Variants in SPIRE2 observed in about 807,000 individuals in gnomAD.
The protein encoded by SPIRE2 is spire type actin nucleation factor 2.
A neutral mutation model predicts 80.7 loss-of-function variants in SPIRE2; 76 were observed. The ratio of observed to expected loss-of-function variants is 0.94; its 90% confidence interval spans 0.78 to 1.14. The LOEUF (loss-of-function observed/expected upper bound fraction) is 1.14. Among genes scored for constraint, SPIRE2 ranks in the 50% most tolerant of loss-of-function variants. The pLI is 0.00. For synonymous variants in SPIRE2, 535 were observed against 432.6 expected, an observed-to-expected ratio of 1.24 and a Z score of -2.94; for missense variants, 1,196 against 1,015.3, an observed-to-expected ratio of 1.18 and a Z score of -2.42.
intron 1 of SPIRE2, among the ~76,000 whole-genome samples, chr16:89,838,353 T>A (rs546507954): frequency 6.6e-6 from 1 of 152,166 alleles, no homozygotes; most frequent in South Asian, 2.1e-4. Flanking sequence ...CAGCTAATTT[T>A]TGTATTTTTT....
chr16:89,851,778 G>T (rs2041630204), intron 3 of SPIRE2, among the ~76,000 whole-genome samples: 2 of 152,212 alleles, frequency 1.3e-5, no homozygotes, highest in East Asian at 1.9e-4. Context: ...CCTTGGAGAG[G>T]CAGGGGATTC....
intron 12 of SPIRE2, among the ~76,000 whole-genome samples, chr16:89,864,476 A>G (rs761986301): frequency 2.0e-5 from 3 of 152,234 alleles, no homozygotes; most frequent in Non-Finnish European, 4.4e-5. Context: ...CTCACTGGAC[A>G]CAGCCACACC....
In SPIRE2 at chr16:89,869,582, A is replaced by C. The variant is rs146984679; in HGVS notation, c.1822A>C (p.Lys608Gln). ...TGTGCTGCAGATGAAGATGCCTTCT[A>C]AGAAATTTGGACACATCCCTGTCTA... ...SCSIKMKMPSKKFGHIPVYTL... is the reference protein window; with the variant it reads ...SCSIKMKMPSQKFGHIPVYTL... The change falls in exon 14 of 15, where the codon AAG becomes CAG. Residue 608 changes from lysine (K) to glutamine (Q), a missense_variant. Lys to Gln is a moderately conservative substitution (Grantham distance 53). Coordinates refer to ENST00000378247, the MANE Select transcript of SPIRE2 (RefSeq NM_032451.2). 6.2e-7 allele frequency: 1 copy of C among 1,613,734 alleles called. No individual in the cohort carries two copies. The highest frequency in any genetic ancestry group is 1.3e-5 in the African/African-American group (1 of 75,024).
chr16:89,859,663 C>T (rs1400403309), intron 9 of SPIRE2, among the ~76,000 whole-genome samples: 2 of 152,078 alleles, frequency 1.3e-5, no homozygotes, highest in East Asian at 3.8e-4. Flanking sequence ...AGTGATAGAC[C>T]CTTCTAGTCC....
chr16:89,869,727 G>A (rs539821673), intron 14 of SPIRE2, 45 bp downstream of exon 14: 23 of 1,484,464 alleles, frequency 1.5e-5, no homozygotes, highest in East Asian at 1.4e-4. Context: ...GTGGTCGGGC[G>A]TGAAGAGGAA....
Position 89,860,734 on chromosome 16 carries a change from G to T in SPIRE2, c.1514G>T (p.Arg505Leu). 10 of 1,586,428 alleles carry T rather than the reference G, an allele frequency of 6.3e-6. No homozygotes were observed. Among genetic ancestry groups the T allele is most frequent in the East Asian group, 4.6e-5 (2 of 43,246 alleles). ...SDPSHPLLSN[R>L]GSSGDRPEAS... ...CCCAGCCACCCCCTACTCAGCAACC[G>T]GGGCTCCTCGGGGGACAGACCCGAG... The change falls in exon 10 of 15, where the codon CGG becomes CTG. Residue 505 changes from arginine to leucine, a missense_variant. Arg to Leu is a moderately radical substitution (Grantham distance 102). Coordinates refer to ENST00000378247, the MANE Select transcript of SPIRE2 (RefSeq NM_032451.2).
At chr16:89,844,874 C>T (rs993065495) in intron 1 of SPIRE2, among the ~76,000 whole-genome samples, 13 of 152,236 alleles carry the variant, frequency 8.5e-5, no homozygotes, top group African/African-American at 3.1e-4. Flanking sequence ...TGAGCCACCA[C>T]ATCTGGCCTC....
At chr16:89,840,636 A>ATTT (rs10708235) in intron 1 of SPIRE2, among the ~76,000 whole-genome samples, 2 of 116,876 alleles carry the variant, frequency 1.7e-5, no homozygotes, top group Admixed American at 9.1e-5. Flanking sequence ...AAGTTTTCAA[A>ATTT]TTTTTTTTTT....
chr16:89,836,835 A>G (rs550395654), intron 1 of SPIRE2, among the ~76,000 whole-genome samples: 2 of 151,904 alleles, frequency 1.3e-5, no homozygotes, highest in Admixed American at 6.6e-5. Flanking sequence ...AAAAAAAAGA[A>G]AAAAAGAAAG....
At chr16:89,844,729 C>T (rs927554451) in intron 1 of SPIRE2, among the ~76,000 whole-genome samples, 1 of 152,222 alleles carries the variant, frequency 6.6e-6, no homozygotes, top group Admixed American at 6.5e-5. Flanking sequence ...TGAGCCACCG[C>T]GCCTGGCCCT....
At chr16:89,831,819 C>T (rs1043919631) in intron 1 of SPIRE2, among the ~76,000 whole-genome samples, 1 of 151,296 alleles carries the variant, frequency 6.6e-6, no homozygotes. Context: ...GCTCTCAGGC[C>T]ATCTGCCTCT....
chr16:89,841,929 T>C (rs1054476051), intron 1 of SPIRE2, among the ~76,000 whole-genome samples: 1 of 151,928 alleles, frequency 6.6e-6, no homozygotes, highest in Non-Finnish European at 1.5e-5. Flanking sequence ...GGTTTCTCCC[T>C]GTTGGTCAGG....
intron 10 of SPIRE2, 50 bp downstream of exon 10, chr16:89,860,845 C>A (rs2041737165): frequency 3.3e-6 from 4 of 1,197,096 alleles, no homozygotes; most frequent in Non-Finnish European, 4.5e-6. Context: ...GGCGTCTTTG[C>A]ACCCACCTTC....
At chr16:89,859,945 G>A (rs1366361188) in intron 9 of SPIRE2, among the ~76,000 whole-genome samples, 1 of 152,186 alleles carries the variant, frequency 6.6e-6, no homozygotes, top group Non-Finnish European at 1.5e-5. Context: ...GGACAATCGT[G>A]TTTGGTGCTT....
In SPIRE2 at chr16:89,863,728, C is replaced by A; in HGVS notation, c.1711-66C>A. 1 of 1,606,880 alleles carries A rather than the reference C, an allele frequency of 6.2e-7. No homozygotes were observed. The highest frequency in any genetic ancestry group is 2.2e-5 in the East Asian group (1 of 44,848). On this transcript the variant is annotated intron_variant, in intron 11 of 14. Coordinates refer to ENST00000378247, the MANE Select transcript of SPIRE2 (RefSeq NM_032451.2). The surrounding 1 kb of genome is among the most constrained non-coding windows in gnomAD (Gnocchi z 4.3). ...CTGGTTGGGAGCCCTGAGGGGGTAGCAGGGACAGGGCGGGACCCCAGGGAG... is the reference window on the plus strand; with the variant it reads ...CTGGTTGGGAGCCCTGAGGGGGTAGAAGGGACAGGGCGGGACCCCAGGGAG...
chr16:89,837,289 G>T (rs1218836262), intron 1 of SPIRE2, among the ~76,000 whole-genome samples: 1 of 152,182 alleles, frequency 6.6e-6, no homozygotes, highest in Admixed American at 6.5e-5. Flanking sequence ...AGGGGACTCG[G>T]ATGGTGGTGA....
chr16:89,836,436 A>G, intron 1 of SPIRE2: 1 of 328,786 alleles, frequency 3.0e-6, no homozygotes, highest in South Asian at 2.4e-5. Context: ...GTCTCCAGGT[A>G]TTTCCTTGCG....
rs952631340 is a variant in SPIRE2, at chr16:89,854,591, G to A, written c.831G>A (p.Thr277=). The change falls in exon 5 of 15, where the codon ACG becomes ACA. Residue 277 remains threonine (T), a synonymous_variant. Transcript: ENST00000378247. The part of the protein sequence containing the change: ...FNPLPTEFQL[T]PFEMLMQDIR... ...CCCTCCCCACCGAGTTCCAGCTCACGCCCTTCGAGATGCTGATGCAGGACA... is the reference window on the plus strand; with the variant it reads ...CCCTCCCCACCGAGTTCCAGCTCACACCCTTCGAGATGCTGATGCAGGACA... The A allele has an allele frequency of 3.7e-6, 6 of 1,612,078 alleles. No homozygotes were observed. The highest frequency in any genetic ancestry group is 2.2e-5 in the South Asian group (2 of 91,076).
chr16:89,866,173 CT>C (rs1486418215), intron 12 of SPIRE2, among the ~76,000 whole-genome samples: 1 of 151,768 alleles, frequency 6.6e-6, no homozygotes, highest in Non-Finnish European at 1.5e-5. Context: ...CTAATTTTAT[CT>C]GTAAAATTAT....
Sources: allele counts gnomAD v4.1 joint callset (sites outside exome capture counted in the v4.1 genomes callset), GRCh38; gene constraint gnomAD v4.1.1; non-coding constraint Gnocchi (gnomAD v3.1); transcripts MANE v1.5; gene names NCBI Gene and HGNC (gene_info 2026-07-23, HGNC 2026-07-21).